Variants in GPBP1L1 observed in about 807,000 individuals in gnomAD.
GPBP1L1 encodes GC-rich promoter binding protein 1 like 1.
A neutral mutation model predicts 52.5 loss-of-function variants in GPBP1L1; 23 were observed. That is an observed-to-expected ratio of 0.44 (90% CI 0.32 to 0.62). The LOEUF is 0.62. Ranked by LOEUF, GPBP1L1 falls within the 20% of genes least tolerant of loss-of-function variation. The probability of loss-of-function intolerance (pLI) is 0.06; values close to 1 mark genes in which losing one functional copy is unlikely to be tolerated. For synonymous variants in GPBP1L1, 243 were observed against 203.1 expected (o/e 1.20, Z -1.67); for missense variants, 596 against 579.3 (o/e 1.03, Z -0.30).
At position 45,628,279 on chromosome 1, in the gene GPBP1L1, A is replaced by C. The variant is rs1161785112; in HGVS notation, c.1402T>G (p.Ser468Ala). ...SDTETSSSET[S>A]DDDAWK ...GCCTACTTCCAGGCATCGTCATCTG[A>C]TGTTTCACTGCTACTGGTTTCGGTG... Residue 468 changes from serine to alanine, a missense_variant, in exon 13 of 13, where the codon TCA (serine) becomes GCA (alanine). Coordinates refer to ENST00000355105, the MANE Select transcript of GPBP1L1 (RefSeq NM_021639.5). 1.2e-6 allele frequency: 2 copies of C among 1,614,096 alleles called. No individual in the cohort carries two copies. The highest frequency in any genetic ancestry group is 1.7e-6 in the Non-Finnish European group (2 of 1,180,028).
rs566162612 is a variant in GPBP1L1, at chr1:45,662,730, T to C, written c.-1097-1505A>G. 2.5e-3 allele frequency among the ~76,000 whole-genome samples: 378 copies of C among 152,296 alleles called. 1 individual carries two copies. Among genetic ancestry groups the C allele is most frequent in the Non-Finnish European group, 4.2e-3 (283 of 68,026 alleles). Reference sequence around the variant, plus strand: ...TGGGTACAAGATGACTATTCACTTATTGCTCTTTTTATAAACTTCTAACAC... The same window carrying C: ...TGGGTACAAGATGACTATTCACTTACTGCTCTTTTTATAAACTTCTAACAC... On this transcript the variant is annotated intron_variant, in intron 2 of 12. Coordinates refer to ENST00000355105, the MANE Select transcript of GPBP1L1 (RefSeq NM_021639.5).
chr1:45,652,512 A>T (rs12049027), intron 6 of GPBP1L1, among the ~76,000 whole-genome samples: 43,580 of 152,030 alleles, frequency 0.29, 6,380 homozygotes, highest in South Asian at 0.37. Flanking sequence ...CTTTTTCTTA[A>T]TGAAGTACGT....
intron 6 of GPBP1L1, among the ~76,000 whole-genome samples, chr1:45,648,677 T>C (rs1222179873): frequency 6.6e-6 from 1 of 152,246 alleles, no homozygotes; most frequent in Non-Finnish European, 1.5e-5. Flanking sequence ...ATGGCATCTG[T>C]AGATTTTGTT....
chr1:45,664,162 T>C (rs1207230277), intron 2 of GPBP1L1, among the ~76,000 whole-genome samples: 2 of 151,962 alleles, frequency 1.3e-5, no homozygotes, highest in East Asian at 1.9e-4. Flanking sequence ...CTACTAAAAA[T>C]ACAAAAAATT....
Position 45,642,431 on chromosome 1 carries a change from T to C in GPBP1L1, c.546A>G (p.Val182=), listed in dbSNP as rs1460336547. 5.6e-6 allele frequency: 9 copies of C among 1,612,610 alleles called. No homozygotes were observed. The highest frequency in any genetic ancestry group is 1.1e-5 in the South Asian group (1 of 90,970). The change falls in exon 7 of 13, where the codon GTA becomes GTG. Residue 182 remains valine (V), a synonymous_variant. Transcript: ENST00000355105. ...PCRPIGTPSG[V]WENPPSAKQP... ...AAAATGGCAAAATCTACCTACCCCA[T>C]ACTCCAGAAGGTGTCCCAATAGGTC...
At chr1:45,686,178 C>T (rs1645280688) in intron 1 of GPBP1L1, among the ~76,000 whole-genome samples, 1 of 152,248 alleles carries the variant, frequency 6.6e-6, no homozygotes, top group Non-Finnish European at 1.5e-5. Context: ...TTCGCGGAGC[C>T]CCGGCGACGC....
chr1:45,636,285 T>C (rs1219369549), intron 8 of GPBP1L1, among the ~76,000 whole-genome samples: 1 of 152,194 alleles, frequency 6.6e-6, no homozygotes, highest in Admixed American at 6.5e-5. Flanking sequence ...TTCTTTTCAA[T>C]GGATGTAAGT....
chr1:45,678,683 T>TA (rs1361028473), intron 2 of GPBP1L1, among the ~76,000 whole-genome samples: 10 of 152,008 alleles, frequency 6.6e-5, no homozygotes, highest in Non-Finnish European at 1.5e-5. Context: ...CACTGAAAAA[T>TA]AAAGACTATA....
chr1:45,661,507 G>A (rs969065414), intron 2 of GPBP1L1, among the ~76,000 whole-genome samples: 7 of 151,268 alleles, frequency 4.6e-5, no homozygotes, highest in Non-Finnish European at 8.8e-5. Flanking sequence ...CCAAGCTGGA[G>A]TGCAATGTCG....
chr1:45,657,215 T>C (rs1644895573), intron 4 of GPBP1L1, among the ~76,000 whole-genome samples: 1 of 152,216 alleles, frequency 6.6e-6, no homozygotes, highest in Non-Finnish European at 1.5e-5. Context: ...TATGAGGTCC[T>C]GCAAATTTTG....
At chr1:45,631,263 TTTAC>T (rs542408137) in intron 10 of GPBP1L1, among the ~76,000 whole-genome samples, 23 of 152,160 alleles carry the variant, frequency 1.5e-4, no homozygotes, top group East Asian at 3.8e-4. Flanking sequence ...TATTTGTTTA[TTTAC>T]TTACTTATTT....
intron 2 of GPBP1L1, among the ~76,000 whole-genome samples, chr1:45,679,743 C>CA (rs1324336060): frequency 6.6e-6 from 1 of 151,868 alleles, no homozygotes; most frequent in Non-Finnish European, 1.5e-5. Flanking sequence ...TTCATTGTTC[C>CA]AAAAAAATTT....
intron 10 of GPBP1L1, among the ~76,000 whole-genome samples, chr1:45,633,123 T>C (rs964391474): frequency 6.6e-6 from 1 of 152,190 alleles, no homozygotes. Flanking sequence ...AAGCTAAACA[T>C]GCTCTTACCA....
At chr1:45,635,046 T>C (rs2148426097) in intron 8 of GPBP1L1, 2 of 152,304 alleles carry the variant, frequency 1.3e-5, no homozygotes, top group African/African-American at 4.8e-5. Flanking sequence ...TCTTGATTGA[T>C]GGGTATTAAA....
At chr1:45,639,666 G>A (rs1186698284) in intron 8 of GPBP1L1, among the ~76,000 whole-genome samples, 1 of 151,844 alleles carries the variant, frequency 6.6e-6, no homozygotes, top group Non-Finnish European at 1.5e-5. Context: ...CACGAGGTCA[G>A]GAGATTGAGA....
intron 8 of GPBP1L1, among the ~76,000 whole-genome samples, chr1:45,639,576 A>T (rs1391602864): frequency 1.1e-3 from 100 of 88,612 alleles, no homozygotes; most frequent in Middle Eastern, 5.7e-3. Flanking sequence ...AAAATAATTA[A>T]AAAAAAAAAA....
chr1:45,653,719 GAC>G (rs1644849002), intron 6 of GPBP1L1, among the ~76,000 whole-genome samples: 1 of 127,372 alleles, frequency 7.9e-6, no homozygotes, highest in Admixed American at 8.2e-5. Flanking sequence ...TTTTTTTTGA[GAC>G]AGAGTCTCAC....
intron 8 of GPBP1L1, among the ~76,000 whole-genome samples, 156 bp downstream of exon 8, chr1:45,640,053 GA>G (rs66580837): frequency 0.37 from 53,509 of 144,492 alleles, 11,647 homozygotes; most frequent in East Asian, 0.57. Flanking sequence ...TAAAGAAAAA[GA>G]AAAAAAAAAA....
In GPBP1L1 at chr1:45,648,573, T is replaced by C. The variant is rs542792597; in HGVS notation, c.477+5970A>G. On this transcript the variant is annotated intron_variant, in intron 6 of 12. Coordinates refer to ENST00000355105, the MANE Select transcript of GPBP1L1 (RefSeq NM_021639.5). ...TTCCCTTCAGTTCCCCCTGCACAAA[T>C]GCTAGTATTAACCAAGCCTCTTATA... Among the ~76,000 whole-genome samples, 127 of 152,348 alleles carry C rather than the reference T, an allele frequency of 8.3e-4. 1 individual carries two copies. The highest frequency in any genetic ancestry group is 2.9e-3 in the African/African-American group (121 of 41,580).
Sources: gnomAD v4.1 joint callset for allele counts (sites outside exome capture counted in the v4.1 genomes callset) on GRCh38, gnomAD v4.1.1 for gene constraint, MANE v1.5 for transcripts, NCBI Gene and HGNC (gene_info 2026-07-23, HGNC 2026-07-21) for gene names.